AUTS2: variants seen among roughly 807,000 people sequenced by gnomAD.
AUTS2 encodes the protein activator of transcription and developmental regulator AUTS2.
Under a neutral mutation model 112.4 loss-of-function variants are expected in AUTS2, and 17 were observed. The observed-to-expected ratio is 0.15, with a 90% CI of 0.10 to 0.23. The LOEUF is 0.23. Among genes scored for constraint, AUTS2 ranks in the 10% least tolerant of loss-of-function variants. The pLI is 1.00. For missense variants in AUTS2, 1,510 were observed against 1,701.6 expected, an observed-to-expected ratio of 0.89 and a Z score of 1.98; for synonymous variants, 751 against 702.7, an observed-to-expected ratio of 1.07 and a Z score of -1.09.
chr7:70,029,025 T>C (rs1384103163), intron 2 of AUTS2, among the ~76,000 whole-genome samples: 1 of 152,168 alleles, frequency 6.6e-6, no homozygotes. Context: ...CCTTTAGCTG[T>C]GTAGCAGAGA....
intron 10 of AUTS2, among the ~76,000 whole-genome samples, chr7:70,770,794 G>A (rs901503991): frequency 5.9e-5 from 9 of 152,172 alleles, no homozygotes; most frequent in African/African-American, 1.9e-4. Flanking sequence ...ATGTTAATAC[G>A]GAAGTGCTTT....
intron 1 of AUTS2, among the ~76,000 whole-genome samples, chr7:69,792,067 A>G (rs142957544): frequency 2.2e-3 from 328 of 152,162 alleles, no homozygotes; most frequent in Admixed American, 4.3e-3. Flanking sequence ...TAATAAAGGA[A>G]TAGAAATTAG....
At chr7:70,731,264 A>G (rs909198440) in intron 6 of AUTS2, among the ~76,000 whole-genome samples, 7 of 150,712 alleles carry the variant, frequency 4.6e-5, no homozygotes, top group Non-Finnish European at 8.9e-5. Context: ...CTGATCACTC[A>G]TTTTATTTCA....
At chr7:70,095,896 A>G (rs1804169764) in intron 2 of AUTS2, among the ~76,000 whole-genome samples, 1 of 152,224 alleles carries the variant, frequency 6.6e-6, no homozygotes. Context: ...CTTCACCTCT[A>G]TGTATTAATT....
chr7:70,124,533 T>C (rs1584758251), intron 3 of AUTS2, among the ~76,000 whole-genome samples: 1 of 151,946 alleles, frequency 6.6e-6, no homozygotes, highest in Non-Finnish European at 1.5e-5. Flanking sequence ...TTTTTGTATA[T>C]GGTGTAAGGA....
chr7:70,154,637 T>C (rs925788289), intron 4 of AUTS2, among the ~76,000 whole-genome samples: 1 of 152,210 alleles, frequency 6.6e-6, no homozygotes, highest in Non-Finnish European at 1.5e-5. Flanking sequence ...GTCTACCTCC[T>C]GTCCTGAACT....
At chr7:70,374,222 A>C (rs767042024) in intron 4 of AUTS2, among the ~76,000 whole-genome samples, 3 of 152,224 alleles carry the variant, frequency 2.0e-5, no homozygotes, top group Non-Finnish European at 2.9e-5. Flanking sequence ...AAGAGGGATA[A>C]AGCACATTTT....
intron 4 of AUTS2, among the ~76,000 whole-genome samples, chr7:70,343,548 T>C (rs1418396086): frequency 6.6e-6 from 1 of 152,202 alleles, no homozygotes; most frequent in African/African-American, 2.4e-5. Context: ...AAAAGTACTA[T>C]ATGATAAATC....
intron 5 of AUTS2, among the ~76,000 whole-genome samples, chr7:70,471,029 C>T (rs866847887): frequency 4.6e-5 from 7 of 152,110 alleles, no homozygotes; most frequent in East Asian, 1.9e-4. Flanking sequence ...ACAGGCCAAG[C>T]GAGCCGGGCT....
At chr7:70,444,916 G>T (rs1205186107) in intron 5 of AUTS2, among the ~76,000 whole-genome samples, 1 of 152,146 alleles carries the variant, frequency 6.6e-6, no homozygotes, top group African/African-American at 2.4e-5. Flanking sequence ...GGTTTTTGAA[G>T]TTCCTAATTT....
In AUTS2 at chr7:70,763,184, G is replaced by A; in HGVS notation, c.1057G>A (p.Ala353Thr). 2 of 1,613,950 alleles carry A rather than the reference G, an allele frequency of 1.2e-6. No homozygotes were observed. The highest frequency in any genetic ancestry group is 1.3e-5 in the African/African-American group (1 of 75,008). Reference sequence around the variant, plus strand: ...CCCTCCTGAGGCCCAGCTCCAGCCTGCCCCGCAGCCTCAGGTGCAGAGGCC... The same window carrying A: ...CCCTCCTGAGGCCCAGCTCCAGCCTACCCCGCAGCCTCAGGTGCAGAGGCC... ...QGPPEAQLQPAPQPQVQRPPR... is the reference protein window; with the variant it reads ...QGPPEAQLQPTPQPQVQRPPR... Residue 353 changes from alanine (A) to threonine (T), a missense_variant, in exon 7 of 19, where the codon GCC becomes ACC. Ala to Thr is a moderately conservative substitution (Grantham distance 58). Transcript: ENST00000342771.
intron 5 of AUTS2, among the ~76,000 whole-genome samples, chr7:70,514,435 T>C (rs981602047): frequency 3.9e-5 from 6 of 152,134 alleles, no homozygotes; most frequent in African/African-American, 1.4e-4. Context: ...CTTCCAATCA[T>C]GGAAGAAAGC....
chr7:69,624,169 ATC>A (rs1329670624), intron 1 of AUTS2, among the ~76,000 whole-genome samples: 1 of 152,206 alleles, frequency 6.6e-6, no homozygotes, highest in Non-Finnish European at 1.5e-5. Context: ...CTTTTCTGCA[ATC>A]TGTTTCACTG....
At chr7:70,245,256 C>T (rs1350873034) in intron 4 of AUTS2, among the ~76,000 whole-genome samples, 1 of 150,836 alleles carries the variant, frequency 6.6e-6, no homozygotes, top group Non-Finnish European at 1.5e-5. Context: ...GACAGAGTAA[C>T]TTTATTCATG....
chr7:70,280,199 C>T (rs1334633237), intron 4 of AUTS2, among the ~76,000 whole-genome samples: 1 of 152,078 alleles, frequency 6.6e-6, no homozygotes, highest in Non-Finnish European at 1.5e-5. Flanking sequence ...CTCATTTGCC[C>T]ACTCCTCTAC....
At chr7:69,664,747 A>G (rs1241483264) in intron 1 of AUTS2, among the ~76,000 whole-genome samples, 1 of 152,218 alleles carries the variant, frequency 6.6e-6, no homozygotes, top group Non-Finnish European at 1.5e-5. Flanking sequence ...GGCACCTGTC[A>G]TAAATTGTCA....
chr7:70,243,942 C>A (rs775562265), intron 4 of AUTS2, among the ~76,000 whole-genome samples: 2 of 151,132 alleles, frequency 1.3e-5, no homozygotes, highest in East Asian at 3.9e-4. Context: ...ATTACTATAA[C>A]TATAATAGTA....
intron 4 of AUTS2, among the ~76,000 whole-genome samples, chr7:70,377,898 G>T (rs960362196): frequency 6.6e-6 from 1 of 150,626 alleles, no homozygotes; most frequent in Non-Finnish European, 1.5e-5. Flanking sequence ...AGCCTCCCAA[G>T]TAGCTGGGAC....
In AUTS2 at chr7:70,727,996, T is replaced by C. The variant is rs144619467; in HGVS notation, c.742+29376T>C. 7.9e-5 allele frequency among the ~76,000 whole-genome samples: 12 copies of C among 152,228 alleles called. No homozygotes were observed. In the East Asian group the frequency reaches 1.4e-3, roughly 17 times the overall value. ...AGGGAGGGCACCTCTCAAATGATGGTTTTATGGTGTATTTCAGGGGAAGGT... is the reference window on the plus strand; with the variant it reads ...AGGGAGGGCACCTCTCAAATGATGGCTTTATGGTGTATTTCAGGGGAAGGT... On this transcript the variant is annotated intron_variant, in intron 6 of 18. Coordinates refer to ENST00000342771, the MANE Select transcript of AUTS2 (RefSeq NM_015570.4).
Sources: gnomAD v4.1 joint callset for allele counts (sites outside exome capture counted in the v4.1 genomes callset) on GRCh38, gnomAD v4.1.1 for gene constraint, MANE v1.5 for transcripts, NCBI Gene and HGNC (gene_info 2026-07-23, HGNC 2026-07-21) for gene names.